BLK: variants seen among roughly 807,000 people sequenced by gnomAD.
BLK encodes the protein BLK proto-oncogene, Src family tyrosine kinase.
Under a neutral mutation model 61.8 loss-of-function variants are expected in BLK, and 64 were observed. The ratio of observed to expected loss-of-function variants is 1.03; its 90% CI spans 0.85 to 1.27. The LOEUF (loss-of-function observed/expected upper bound fraction) is 1.27. Among genes scored for constraint, BLK ranks in the 50% most tolerant of loss-of-function variants. The pLI, the probability that BLK is intolerant of heterozygous loss-of-function variation, is 0.00. For synonymous variants in BLK, 351 were observed against 272.0 expected (o/e 1.29, Z -2.86); for missense variants, 853 against 660.5 (o/e 1.29, Z -3.19).
intron 11 of BLK, among the ~76,000 whole-genome samples, chr8:11,561,923 A>G (rs1346846942): frequency 6.6e-6 from 1 of 151,940 alleles, no homozygotes; most frequent in East Asian, 1.9e-4. Context: ...GGTTCAAGCA[A>G]TTCTTCTGCC....
chr8:11,548,985 G>A (rs1207915690), intron 4 of BLK, 39 bp from the exon 5 acceptor site: 1 of 1,554,666 alleles, frequency 6.4e-7, no homozygotes, highest in Non-Finnish European at 8.8e-7. Flanking sequence ...GGGCCTACAG[G>A]GGCCATGATC....
At chr8:11,501,520 C>A (rs961401122) in intron 1 of BLK, among the ~76,000 whole-genome samples, 3 of 152,032 alleles carry the variant, frequency 2.0e-5, no homozygotes, top group African/African-American at 7.2e-5. Flanking sequence ...TCCTGGTAAA[C>A]GTTTAACAAC....
chr8:11,522,774 C>T (rs1055849567), intron 1 of BLK, among the ~76,000 whole-genome samples: 1 of 150,460 alleles, frequency 6.6e-6, no homozygotes, highest in Non-Finnish European at 1.5e-5. Context: ...AGGTTACATA[C>T]ATTATGAAGC....
intron 9 of BLK, 49 bp from the exon 10 acceptor site, chr8:11,557,912 CA>C (rs1400027664): frequency 9.5e-6 from 15 of 1,570,734 alleles, no homozygotes; most frequent in Non-Finnish European, 1.3e-5. Flanking sequence ...CTGGCACCAC[CA>C]GGGGCGGGTC....
chr8:11,542,330 G>A (rs1412196641), intron 1 of BLK, among the ~76,000 whole-genome samples: 1 of 152,178 alleles, frequency 6.6e-6, no homozygotes, highest in African/African-American at 2.4e-5. Context: ...ACATCCAAAG[G>A]AAATCACCAC....
chr8:11,504,391 GAAAAGAAAAGAA>G (rs1798687943), intron 1 of BLK, among the ~76,000 whole-genome samples: 2 of 132,572 alleles, frequency 1.5e-5, no homozygotes, highest in Admixed American at 7.5e-5. Context: ...GAAAAGAAAA[GAAAAGAAAAGAA>G]AAGAAAAGAA....
At chr8:11,561,508 T>G in intron 11 of BLK, 56 bp downstream of exon 11, 1 of 1,590,678 alleles carries the variant, frequency 6.3e-7, no homozygotes. Flanking sequence ...TCCCAGCTCC[T>G]CAAAGCCGCC....
At chr8:11,554,297 T>C (rs1801076226) in intron 6 of BLK, 1 of 240,618 alleles carries the variant, frequency 4.2e-6, no homozygotes, top group Non-Finnish European at 8.2e-6. Flanking sequence ...GCCATGGACA[T>C]GGGTACTTGC....
intron 1 of BLK, among the ~76,000 whole-genome samples, chr8:11,542,556 G>A (rs886124893): frequency 6.6e-6 from 1 of 152,190 alleles, no homozygotes. Context: ...ACAACATGGT[G>A]GTGTTGATGG....
At chr8:11,500,980 G>T (rs1030801219) in intron 1 of BLK, among the ~76,000 whole-genome samples, 2 of 152,036 alleles carry the variant, frequency 1.3e-5, no homozygotes, top group Non-Finnish European at 2.9e-5. Context: ...AGGCCAAGGT[G>T]GGAGGATTGC....
At chr8:11,505,618 G>A (rs1172367870) in intron 1 of BLK, among the ~76,000 whole-genome samples, 1 of 152,150 alleles carries the variant, frequency 6.6e-6, no homozygotes, top group Non-Finnish European at 1.5e-5. Context: ...TCATTTCTCT[G>A]TCTTCAGAAT....
intron 1 of BLK, among the ~76,000 whole-genome samples, chr8:11,536,346 G>A (rs1800132932): frequency 1.3e-5 from 2 of 152,110 alleles, no homozygotes; most frequent in African/African-American, 4.8e-5. Flanking sequence ...GATAATTATT[G>A]AATGTGGGTG....
chr8:11,499,931 A>C (rs57032696), intron 1 of BLK, among the ~76,000 whole-genome samples: 12,063 of 151,670 alleles, frequency 0.08, 601 homozygotes, highest in African/African-American at 0.11. Context: ...TATTGTATGT[A>C]TTTTTATAAG....
At chr8:11,513,595 C>T (rs1585336085) in intron 1 of BLK, among the ~76,000 whole-genome samples, 1 of 152,194 alleles carries the variant, frequency 6.6e-6, no homozygotes, top group Admixed American at 6.5e-5. Flanking sequence ...CCACCCACAG[C>T]CCTCGCTGCA....
rs768342164 is a variant in BLK at position 11,563,257 on chromosome 8, G to A, written c.1312+147G>A. ...CGGAGACCCAGGCATGGCATCTGGG[G>A]TGGAGCTCTGCCCCCTGCATCACTA... is the stretch of plus-strand genomic sequence containing the variant. On this transcript the variant is annotated intron_variant, in intron 12 of 12. Transcript: ENST00000259089. The A allele has an allele frequency of 5.3e-4, 637 of 1,201,698 alleles. 6 individuals carry two copies. Among genetic ancestry groups the A allele is most frequent in the Middle Eastern group, 2.6e-4 (1 of 3,852 alleles). The allele number at this position is 1,201,698 out of a possible 1,614,324, so 74.4% of individuals were successfully genotyped here.
intron 1 of BLK, among the ~76,000 whole-genome samples, chr8:11,500,601 C>T (rs929757154): frequency 1.3e-5 from 2 of 151,572 alleles, no homozygotes; most frequent in African/African-American, 4.9e-5. Flanking sequence ...CTGCAGCCTC[C>T]ACTTCCCCAG....
At position 11,563,972 on chromosome 8, in the gene BLK, C is replaced by A. The variant is rs756604360; in HGVS notation, c.1382C>A (p.Pro461Gln). Reference protein sequence around the residue: ...GYRMPRPDTCPPELYRGVIAE... With the variant: ...GYRMPRPDTCQPELYRGVIAE... ...CGCATGCCGCGCCCCGACACCTGCC[C>A]GCCCGAGCTGTACCGCGGCGTCATC... Residue 461 changes from proline (P) to glutamine (Q), a missense_variant, in exon 13 of 13, where the codon CCG becomes CAG. By Grantham distance (76) the Pro-to-Gln change is moderately conservative. Coordinates refer to ENST00000259089, the MANE Select transcript of BLK (RefSeq NM_001715.3). 1.2e-6 allele frequency: 2 copies of A among 1,606,390 alleles called. No homozygotes were observed. Among genetic ancestry groups the A allele is most frequent in the Non-Finnish European group, 1.7e-6 (2 of 1,179,326 alleles).
At chr8:11,563,538 G>A (rs1414206105) in intron 12 of BLK, among the ~76,000 whole-genome samples, 1 of 152,168 alleles carries the variant, frequency 6.6e-6, no homozygotes, top group East Asian at 1.9e-4. Context: ...CCCCACAGGT[G>A]GGCAGGCTCC....
chr8:11,544,073 G>T (rs567001256), intron 2 of BLK, among the ~76,000 whole-genome samples: 215 of 151,466 alleles, frequency 1.4e-3, no homozygotes, highest in African/African-American at 4.9e-3. Context: ...AGTGATTCTC[G>T]TACCTCAGCC....
Sources: allele counts gnomAD v4.1 joint callset (sites outside exome capture counted in the v4.1 genomes callset), GRCh38; gene constraint gnomAD v4.1.1; transcripts MANE v1.5; gene names NCBI Gene and HGNC (gene_info 2026-07-23, HGNC 2026-07-21).